Variants in HDDC2 observed in about 807,000 individuals in gnomAD.
The protein encoded by HDDC2 is HD domain containing 2.
Under a neutral mutation model 25.5 loss-of-function variants are expected in HDDC2, and 25 were observed. The observed-to-expected ratio is 0.98, with a 90% CI of 0.72 to 1.37. HDDC2 has a LOEUF of 1.37. HDDC2 is among the 40% of genes most tolerant of loss of function. The pLI is 0.00. For missense variants in HDDC2, 264 were observed against 253.1 expected, an observed-to-expected ratio of 1.04 and a Z score of -0.29; for synonymous variants, 106 against 89.7, an observed-to-expected ratio of 1.18 and a Z score of -1.03.
At chr6:125,297,351 T>C (rs1468847041) in intron 3 of HDDC2, 1 of 386,804 alleles carries the variant, frequency 2.6e-6, no homozygotes, top group Non-Finnish European at 4.6e-6. Context: ...TTTCCTGTCT[T>C]GGTCAGCCTG....
At chr6:125,291,871 G>A (rs576537367) in intron 4 of HDDC2, among the ~76,000 whole-genome samples, 60 of 152,188 alleles carry the variant, frequency 3.9e-4, no homozygotes, top group African/African-American at 1.0e-3. Flanking sequence ...GAATCTGAGC[G>A]TTACATGGCA....
chr6:125,287,127 G>A (rs1272078918), intron 4 of HDDC2, among the ~76,000 whole-genome samples: 1 of 152,124 alleles, frequency 6.6e-6, no homozygotes, highest in Non-Finnish European at 1.5e-5. Context: ...AGGTCAAATG[G>A]TCTGGATTCA....
chr6:125,276,289 G>A (rs1290226755), intron 5 of HDDC2, 46 bp from the exon 6 acceptor site: 6 of 978,658 alleles, frequency 6.1e-6, no homozygotes, highest in Non-Finnish European at 8.8e-6. Context: ...ATATTGACAA[G>A]AGAGTATATT....
At chr6:125,285,936 A>T (rs1213180847) in intron 4 of HDDC2, among the ~76,000 whole-genome samples, 3 of 152,210 alleles carry the variant, frequency 2.0e-5, no homozygotes, top group African/African-American at 7.2e-5. Flanking sequence ...CTCAAAGTAC[A>T]GTTGGGGCTT....
Position 125,279,535 on chromosome 6 carries a change from C to T in HDDC2, c.379-2295G>A, listed in dbSNP as rs1156271484. 6 of 152,242 alleles carry T rather than the reference C, an allele frequency of 3.9e-5. No individual in the cohort carries two copies. The East Asian group carries it at 7.7e-4, about 20-fold the overall frequency. The allele number at this position is 152,242 out of a possible 1,614,324, so 9.4% of individuals were successfully genotyped here. A position where few individuals can be genotyped will look rare whatever the true frequency, so the allele number is the denominator to read the frequency against. On this transcript the variant is annotated intron_variant, in intron 4 of 5. Coordinates refer to ENST00000398153, the MANE Select transcript of HDDC2 (RefSeq NM_016063.3). ...TGTGAAGTTAAAAATGCAACTTGTT[C>T]TCACCACAAAATATAGTATGTGAGG...
chr6:125,298,584 C>A, intron 3 of HDDC2, 130 bp downstream of exon 3: 1 of 679,066 alleles, frequency 1.5e-6, no homozygotes, highest in East Asian at 2.7e-5. Context: ...CTGACCTTCC[C>A]CTTCCTAAGA....
rs1231830182 is a variant in HDDC2, at chr6:125,298,710, T to C, written c.309+4A>G. 1.2e-6 allele frequency: 2 copies of C among 1,610,690 alleles called. No homozygotes were observed. The highest frequency in any genetic ancestry group is 1.7e-6 in the Non-Finnish European group (2 of 1,176,798). On this transcript the variant is annotated splice_donor_region_variant and intron_variant, in intron 3 of 5. Transcript: ENST00000398153. Reference sequence around the variant, plus strand: ...TTTTTGCACAGTCAATAGTCAACACTGACCTCTTCTCGCCTATGTTTTTCT... The same window carrying C: ...TTTTTGCACAGTCAATAGTCAACACCGACCTCTTCTCGCCTATGTTTTTCT...
At chr6:125,301,488 A>ACACGCGCG (rs149271659) in intron 1 of HDDC2, among the ~76,000 whole-genome samples, 40 of 145,892 alleles carry the variant, frequency 2.7e-4, no homozygotes, top group Non-Finnish European at 3.8e-4. Context: ...GTGAGCACAC[A>ACACGCGCG]CACACACACA....
chr6:125,293,914 T>C (rs1798666549), intron 3 of HDDC2, among the ~76,000 whole-genome samples: 1 of 152,208 alleles, frequency 6.6e-6, no homozygotes, highest in South Asian at 2.1e-4. Context: ...CAAAACCTAA[T>C]GAAAAGCAGA....
intron 3 of HDDC2, among the ~76,000 whole-genome samples, chr6:125,296,202 A>G (rs1342347084): frequency 2.0e-5 from 3 of 152,234 alleles, no homozygotes; most frequent in African/African-American, 4.8e-5. Flanking sequence ...ATTAGGTATC[A>G]TAAGTAATAC....
intron 2 of HDDC2, 92 bp downstream of exon 2, chr6:125,300,446 T>C: frequency 6.9e-7 from 1 of 1,457,416 alleles, no homozygotes; most frequent in Non-Finnish European, 9.2e-7. Flanking sequence ...TAAACTAACC[T>C]ACAAGGATTT....
At chr6:125,292,244 C>A (rs1426678684) in intron 4 of HDDC2, among the ~76,000 whole-genome samples, 7 of 151,890 alleles carry the variant, frequency 4.6e-5, no homozygotes, top group Middle Eastern at 3.2e-3. Context: ...AAATGAAAGA[C>A]AACAGTAGAA....
chr6:125,283,567 T>C (rs1355411399), intron 4 of HDDC2, among the ~76,000 whole-genome samples: 2 of 152,070 alleles, frequency 1.3e-5, no homozygotes, highest in African/African-American at 2.4e-5. Context: ...TCATTTACAA[T>C]TGCTAGAAAG....
chr6:125,280,091 G>A (rs966952708), intron 4 of HDDC2, among the ~76,000 whole-genome samples: 5 of 152,160 alleles, frequency 3.3e-5, no homozygotes, highest in African/African-American at 4.8e-5. Flanking sequence ...CATGGAGGGC[G>A]AGCCAAAGCA....
intron 4 of HDDC2, among the ~76,000 whole-genome samples, chr6:125,291,306 T>C (rs1798628284): frequency 6.6e-6 from 1 of 152,230 alleles, no homozygotes; most frequent in Non-Finnish European, 1.5e-5. Flanking sequence ...TTAATTTTCA[T>C]GATTATTCAA....
At chr6:125,276,778 C>T in intron 5 of HDDC2, 1 of 324,416 alleles carries the variant, frequency 3.1e-6, no homozygotes, top group Non-Finnish European at 5.7e-6. Context: ...CCCCAGATTT[C>T]TGCTTTGGTA....
intron 4 of HDDC2, chr6:125,278,156 T>C (rs910918678): frequency 1.3e-5 from 2 of 152,238 alleles, no homozygotes; most frequent in Non-Finnish European, 2.9e-5. Flanking sequence ...GGTTTCTTAG[T>C]TTTTATTACA....
chr6:125,284,029 C>G (rs1189946371), intron 4 of HDDC2, among the ~76,000 whole-genome samples: 1 of 152,196 alleles, frequency 6.6e-6, no homozygotes. Context: ...TTACAACCAT[C>G]TGATCTTTGA....
rs754223990 is a variant in HDDC2, at chr6:125,292,824, G to A, written c.378+17C>T. ...TCAGATACAAATTAAAAACAGTAAC[G>A]TACCATATATACTTACTTCCCAAAG... On this transcript the variant is annotated intron_variant, in intron 4 of 5. Coordinates refer to ENST00000398153, the MANE Select transcript of HDDC2 (RefSeq NM_016063.3). The A allele has an allele frequency of 1.3e-5, 21 of 1,589,540 alleles. No individual in the cohort carries two copies. The highest frequency in any genetic ancestry group is 7.7e-5 in the South Asian group (7 of 90,528).
Sources: allele counts gnomAD v4.1 joint callset (sites outside exome capture counted in the v4.1 genomes callset), GRCh38; gene constraint gnomAD v4.1.1; transcripts MANE v1.5; gene names NCBI Gene and HGNC (gene_info 2026-07-23, HGNC 2026-07-21).